ADAMTSL3: variants seen among roughly 807,000 people sequenced by gnomAD.
ADAMTSL3 encodes the protein ADAMTS-like protein 3.
ADAMTSL3 carries 128 observed loss-of-function variants against 201.7 expected under a neutral mutation model. That is an observed-to-expected ratio of 0.63 (90% confidence interval 0.55 to 0.73). The LOEUF is 0.73. ADAMTSL3 is among the 30% of genes least tolerant of loss of function. The probability of loss-of-function intolerance (pLI) is 0.00; values close to 1 mark genes in which losing one functional copy is unlikely to be tolerated. For synonymous variants in ADAMTSL3, 738 were observed against 748.4 expected (o/e 0.99, Z 0.23); for missense variants, 1,990 against 2,119.6 (o/e 0.94, Z 1.20).
At chr15:83,892,227 T>G (rs1033364689) in intron 12 of ADAMTSL3, among the ~76,000 whole-genome samples, 1 of 141,200 alleles carries the variant, frequency 7.1e-6, no homozygotes, top group Non-Finnish European at 1.5e-5. Flanking sequence ...AAAAAAAAAC[T>G]AAATTAATTA....
chr15:84,021,787 T>C (rs921672369), intron 26 of ADAMTSL3, among the ~76,000 whole-genome samples, 194 bp downstream of exon 26: 9 of 152,336 alleles, frequency 5.9e-5, no homozygotes, highest in Middle Eastern at 3.4e-3. Context: ...GTTTCGTAGA[T>C]GGGGAAACTC....
intron 6 of ADAMTSL3, among the ~76,000 whole-genome samples, chr15:83,837,168 A>C (rs1178928544): frequency 6.6e-6 from 1 of 151,996 alleles, no homozygotes; most frequent in Non-Finnish European, 1.5e-5. Context: ...TATTTTTTAT[A>C]TTTTAAAAAT....
intron 21 of ADAMTSL3, 121 bp downstream of exon 21, chr15:83,983,465 G>A (rs911484045): frequency 6.6e-6 from 5 of 762,918 alleles, no homozygotes; most frequent in African/African-American, 5.4e-5. Flanking sequence ...GATTCTTTAG[G>A]AAAGAAACTA....
At chr15:83,942,546 A>G (rs754799851) in intron 17 of ADAMTSL3, 50 bp from the exon 18 acceptor site, 6 of 1,550,008 alleles carry the variant, frequency 3.9e-6, no homozygotes, top group Non-Finnish European at 5.3e-6. Flanking sequence ...TGATGGTTGC[A>G]CGTTGGTTTA....
intron 7 of ADAMTSL3, among the ~76,000 whole-genome samples, chr15:83,845,362 A>T (rs548560844): frequency 6.6e-6 from 1 of 152,330 alleles, no homozygotes; most frequent in Admixed American, 6.5e-5. Flanking sequence ...AGCTCAGTTA[A>T]TGTTGAACAA....
chr15:83,712,782 T>A (rs1367025310), intron 3 of ADAMTSL3, among the ~76,000 whole-genome samples: 1 of 152,198 alleles, frequency 6.6e-6, no homozygotes, highest in African/African-American at 2.4e-5. Flanking sequence ...TCTAACCCTG[T>A]CATTTCTGCA....
At chr15:83,706,780 C>G in intron 3 of ADAMTSL3, among the ~76,000 whole-genome samples, 1 of 137,484 alleles carries the variant, frequency 7.3e-6, no homozygotes, top group South Asian at 2.8e-4. Context: ...GCCCCCCACC[C>G]CAGGTAGCTG....
At chr15:83,659,457 A>C (rs1010398888) in intron 2 of ADAMTSL3, among the ~76,000 whole-genome samples, 1 of 152,152 alleles carries the variant, frequency 6.6e-6, no homozygotes, top group African/African-American at 2.4e-5. Context: ...GCTAGTGTAG[A>C]AGGCTGATCT....
intron 23 of ADAMTSL3, among the ~76,000 whole-genome samples, chr15:83,992,662 T>G: frequency 6.6e-6 from 1 of 152,226 alleles, no homozygotes. Context: ...AAATCAGGCT[T>G]TCAGGGAGAT....
chr15:83,966,249 G>T (rs1312484323), intron 19 of ADAMTSL3, among the ~76,000 whole-genome samples: 1 of 152,102 alleles, frequency 6.6e-6, no homozygotes, highest in Non-Finnish European at 1.5e-5. Flanking sequence ...CCCAGAGCTG[G>T]TATTTTGAAA....
At chr15:83,945,137 A>G (rs769145137) in intron 19 of ADAMTSL3, among the ~76,000 whole-genome samples, 4 of 152,156 alleles carry the variant, frequency 2.6e-5, no homozygotes, top group South Asian at 4.1e-4. Flanking sequence ...CCATCTCTCC[A>G]GGGTCTACAG....
chr15:83,697,807 T>C (rs2061706158), intron 2 of ADAMTSL3, among the ~76,000 whole-genome samples: 1 of 152,068 alleles, frequency 6.6e-6, no homozygotes, highest in Non-Finnish European at 1.5e-5. Context: ...GCCATTAGTA[T>C]CAGCTCAACT....
At chr15:83,775,276 A>G (rs1459979062) in intron 4 of ADAMTSL3, among the ~76,000 whole-genome samples, 1 of 151,846 alleles carries the variant, frequency 6.6e-6, no homozygotes, top group Non-Finnish European at 1.5e-5. Flanking sequence ...AAGTCTCAGA[A>G]GTCTGAATAA....
chr15:83,908,243 C>T (rs2141946387), intron 15 of ADAMTSL3, among the ~76,000 whole-genome samples: 1 of 152,250 alleles, frequency 6.6e-6, no homozygotes, highest in Non-Finnish European at 1.5e-5. Context: ...CTGTTGTATA[C>T]CCTTTGGTTA....
intron 16 of ADAMTSL3, 114 bp from the exon 17 acceptor site, chr15:83,923,790 A>G: frequency 1.6e-6 from 2 of 1,263,334 alleles, no homozygotes; most frequent in Non-Finnish European, 2.2e-6. Context: ...CTGCAGCCCT[A>G]TGATAGTCAA....
At chr15:83,657,793 G>A (rs946340036) in intron 2 of ADAMTSL3, among the ~76,000 whole-genome samples, 1 of 152,214 alleles carries the variant, frequency 6.6e-6, no homozygotes, top group Non-Finnish European at 1.5e-5. Context: ...GAGTGTGGGT[G>A]GGCATGGCTA....
intron 3 of ADAMTSL3, among the ~76,000 whole-genome samples, chr15:83,720,509 G>C (rs914750513): frequency 2.0e-5 from 3 of 152,166 alleles, no homozygotes; most frequent in Non-Finnish European, 2.9e-5. Flanking sequence ...ATGAGGCTTT[G>C]TAAAAGCATC....
intron 21 of ADAMTSL3, among the ~76,000 whole-genome samples, chr15:83,985,233 A>T (rs1163112531): frequency 6.9e-6 from 1 of 144,226 alleles, no homozygotes; most frequent in Non-Finnish European, 1.5e-5. Context: ...TGTATCTCAT[A>T]AAAAAAAAAG....
intron 4 of ADAMTSL3, among the ~76,000 whole-genome samples, chr15:83,797,010 A>G (rs2063437934): frequency 6.6e-6 from 1 of 152,216 alleles, no homozygotes; most frequent in South Asian, 2.1e-4. Context: ...GCTAACTAAG[A>G]TACAAAAAGT....
Sources: gnomAD v4.1 joint callset for allele counts (sites outside exome capture counted in the v4.1 genomes callset) on GRCh38, gnomAD v4.1.1 for gene constraint, MANE v1.5 for transcripts, NCBI Gene and HGNC (gene_info 2026-07-23, HGNC 2026-07-21) for gene names.